The following FAM193A variants were observed in gnomAD, a reference collection of about 807,000 sequenced individuals.
FAM193A encodes the protein family with sequence similarity 193 member A.
A neutral mutation model predicts 126.5 loss-of-function variants in FAM193A; 22 were observed. The observed-to-expected ratio is 0.17, with a 90% CI of 0.12 to 0.25. FAM193A has a LOEUF of 0.25. FAM193A is among the 10% of genes least tolerant of loss of function. The pLI is 1.00. For synonymous variants in FAM193A, 761 were observed against 646.8 expected, an observed-to-expected ratio of 1.18 and a Z score of -2.68; for missense variants, 1,675 against 1,672.8, an observed-to-expected ratio of 1.00 and a Z score of -0.02.
chr4:2,701,249 T>G (rs1717699718), intron 19 of FAM193A, among the ~76,000 whole-genome samples: 1 of 151,354 alleles, frequency 6.6e-6, no homozygotes, highest in African/African-American at 2.4e-5. Context: ...ACCTTACTCA[T>G]GTTTCTCCAA....
intron 20 of FAM193A, among the ~76,000 whole-genome samples, chr4:2,723,229 A>AGAT (rs1720354867): frequency 6.6e-6 from 1 of 151,450 alleles, no homozygotes; most frequent in South Asian, 2.1e-4. Context: ...AGCCAACATC[A>AGAT]CGCCACTGCA....
At chr4:2,549,796 C>T (rs1737797660) in intron 1 of FAM193A, among the ~76,000 whole-genome samples, 5 of 152,066 alleles carry the variant, frequency 3.3e-5, no homozygotes, top group South Asian at 4.2e-4. Context: ...GACACCATCT[C>T]GGCTCACTGC....
chr4:2,626,506 A>C lies in FAM193A; in HGVS notation c.732A>C (p.Gly244=). ...TGCGCTGCATCTACCGCCAGGCAGG[A>C]ACCCCGCTGGCAGATGACCAGGACC... is the stretch of plus-strand genomic sequence containing the variant. ...YTVRCIYRQA[G]TPLADDQDQS... The change falls in exon 4 of 21, where the codon GGA becomes GGC. Residue 244 remains glycine, a synonymous_variant. Transcript: ENST00000637812. The C allele has an allele frequency of 1.4e-6, 1 of 702,518 alleles. No individual in the cohort carries two copies. The highest frequency in any genetic ancestry group is 2.6e-6 in the Non-Finnish European group (1 of 384,946). The allele number at this position is 702,518 out of a possible 1,614,324, so 43.5% of individuals were successfully genotyped here. A position where few individuals can be genotyped will look rare whatever the true frequency, so the allele number is the denominator to read the frequency against.
intron 13 of FAM193A, among the ~76,000 whole-genome samples, chr4:2,682,540 G>A (rs1378437124): frequency 1.3e-5 from 2 of 152,030 alleles, no homozygotes; most frequent in Non-Finnish European, 2.9e-5. Flanking sequence ...ATTTTTTGAT[G>A]TATTTAGATT....
upstream of FAM193A, among the ~76,000 whole-genome samples, chr4:2,536,249 C>T (rs1335533443): frequency 6.6e-6 from 1 of 151,622 alleles, no homozygotes; most frequent in African/African-American, 2.4e-5. Context: ...TCGCGGGCGG[C>T]GGCGCGGCCT....
intron 1 of FAM193A, among the ~76,000 whole-genome samples, chr4:2,570,218 C>T (rs1057475166): frequency 5.9e-5 from 9 of 152,112 alleles, no homozygotes; most frequent in Admixed American, 2.0e-4. Context: ...CTCATTGGGC[C>T]GGTTTGAATC....
intron 1 of FAM193A, among the ~76,000 whole-genome samples, chr4:2,570,607 T>C (rs960091455): frequency 6.6e-6 from 1 of 152,064 alleles, no homozygotes; most frequent in African/African-American, 2.4e-5. Flanking sequence ...ACTGGAATAA[T>C]GGGAACTCAT....
chr4:2,698,605 A>G (rs917869395), intron 18 of FAM193A, among the ~76,000 whole-genome samples: 1 of 152,238 alleles, frequency 6.6e-6, no homozygotes, highest in Non-Finnish European at 1.5e-5. Context: ...AATAATTTAC[A>G]CTTGGGGAGT....
At chr4:2,594,671 G>T (rs1368013929) in intron 1 of FAM193A, among the ~76,000 whole-genome samples, 6 of 152,094 alleles carry the variant, frequency 3.9e-5, no homozygotes, top group Admixed American at 1.3e-4. Context: ...TGCAGAGGCA[G>T]CCCTGTGTGA....
At chr4:2,701,284 C>CA (rs60538223) in intron 19 of FAM193A, among the ~76,000 whole-genome samples, 5,789 of 95,938 alleles carry the variant, frequency 0.06, 150 homozygotes, top group Non-Finnish European at 0.084. Context: ...TCCTTTATAG[C>CA]AAAAAAAAAA....
At chr4:2,587,069 C>T (rs1740278644) in intron 1 of FAM193A, among the ~76,000 whole-genome samples, 1 of 152,132 alleles carries the variant, frequency 6.6e-6, no homozygotes, top group Non-Finnish European at 1.5e-5. Context: ...ACTTCTGTAT[C>T]TTAGTCCGTT....
chr4:2,577,484 T>C (rs1271453032), intron 1 of FAM193A, among the ~76,000 whole-genome samples: 1 of 145,772 alleles, frequency 6.9e-6, no homozygotes, highest in Non-Finnish European at 1.5e-5. Flanking sequence ...ACTGGCACGA[T>C]CTCAGCTCAC....
chr4:2,633,519 C>T (rs1160295497), intron 5 of FAM193A, among the ~76,000 whole-genome samples: 1 of 151,948 alleles, frequency 6.6e-6, no homozygotes, highest in East Asian at 1.9e-4. Context: ...GAAATACCCA[C>T]ATTGATTTCT....
At chr4:2,550,430 T>C (rs1301977833) in intron 1 of FAM193A, among the ~76,000 whole-genome samples, 3 of 151,340 alleles carry the variant, frequency 2.0e-5, no homozygotes, top group Non-Finnish European at 4.4e-5. Flanking sequence ...TCTTGGTCGT[T>C]TGTTTGTTTG....
intron 19 of FAM193A, among the ~76,000 whole-genome samples, chr4:2,713,291 AG>A (rs1246675047): frequency 2.0e-5 from 3 of 150,832 alleles, no homozygotes; most frequent in Non-Finnish European, 2.9e-5. Flanking sequence ...CTGTAGTCCC[AG>A]CTACTCGGGA....
At chr4:2,637,563 T>G (rs1253046763) in intron 5 of FAM193A, among the ~76,000 whole-genome samples, 1 of 152,120 alleles carries the variant, frequency 6.6e-6, no homozygotes, top group Non-Finnish European at 1.5e-5. Flanking sequence ...CCCCCAAACC[T>G]TTTTTGTAGT....
intron 2 of FAM193A, among the ~76,000 whole-genome samples, chr4:2,613,762 T>C (rs961329032): frequency 1.0e-4 from 11 of 110,516 alleles, no homozygotes; most frequent in African/African-American, 3.6e-4. Context: ...CCTTTTTTTT[T>C]TTTTTCTTTT....
intron 12 of FAM193A, among the ~76,000 whole-genome samples, chr4:2,668,274 C>T (rs898720923): frequency 4.7e-5 from 7 of 149,616 alleles, no homozygotes; most frequent in Admixed American, 4.0e-4. Context: ...AGTGCAGTGG[C>T]GCAATCTTGG....
At chr4:2,588,750 A>C (rs1238072445) in intron 1 of FAM193A, among the ~76,000 whole-genome samples, 1 of 152,196 alleles carries the variant, frequency 6.6e-6, no homozygotes, top group Non-Finnish European at 1.5e-5. Flanking sequence ...TGCTGTAAAG[A>C]CTGTTAATAC....
Sources: allele counts gnomAD v4.1 joint callset (sites outside exome capture counted in the v4.1 genomes callset), GRCh38; gene constraint gnomAD v4.1.1; transcripts MANE v1.5; gene names NCBI Gene and HGNC (gene_info 2026-07-23, HGNC 2026-07-21).